Variants in SLC6A6 observed in about 807,000 individuals in gnomAD.
SLC6A6 encodes the protein solute carrier family 6 member 6.
In SLC6A6, 16 loss-of-function variants were observed where a neutral mutation model predicts 68.8. The ratio of observed to expected loss-of-function variants is 0.23; its 90% CI spans 0.16 to 0.35. The LOEUF (loss-of-function observed/expected upper bound fraction) is 0.35, where lower values mean the gene tolerates loss of function less well. Among genes scored for constraint, SLC6A6 ranks in the 10% least tolerant of loss-of-function variants. The probability of loss-of-function intolerance (pLI) is 1.00; values close to 1 mark genes in which losing one functional copy is unlikely to be tolerated. For missense variants in SLC6A6, 474 were observed against 802.8 expected (o/e 0.59, Z 4.95); for synonymous variants, 312 against 315.4 (o/e 0.99, Z 0.12).
At chr3:14,454,114 C>T (rs926190243) in intron 5 of SLC6A6, among the ~76,000 whole-genome samples, 7 of 152,152 alleles carry the variant, frequency 4.6e-5, no homozygotes, top group African/African-American at 1.7e-4. Context: ...CCGTGTTGGC[C>T]GGGGAGCGGG....
chr3:14,473,463 C>A (rs932252213), intron 10 of SLC6A6, among the ~76,000 whole-genome samples: 1 of 152,122 alleles, frequency 6.6e-6, no homozygotes, highest in Non-Finnish European at 1.5e-5. Flanking sequence ...CGGGAGAACC[C>A]TTTGTCCCCC....
chr3:14,464,643 T>G (rs899657853), intron 6 of SLC6A6, among the ~76,000 whole-genome samples: 3 of 152,174 alleles, frequency 2.0e-5, no homozygotes, highest in Non-Finnish European at 2.9e-5. Context: ...AGGGTCGTGG[T>G]GCCAGCTAGG....
chr3:14,402,791 G>T lies in SLC6A6; in HGVS notation c.-110G>T, dbSNP rs1304474689. ...GAGAGCGAGCGGGCAGGCAGCCCCCGGCCGGCGGAACCCGGCACAGCCGAG... is the reference window on the plus strand; with the variant it reads ...GAGAGCGAGCGGGCAGGCAGCCCCCTGCCGGCGGAACCCGGCACAGCCGAG... On this transcript the variant is annotated 5_prime_UTR_variant, in exon 1 of 15. Coordinates refer to ENST00000622186, the MANE Select transcript of SLC6A6 (RefSeq NM_003043.6). The surrounding 1 kb of genome is among the most constrained non-coding windows in gnomAD (Gnocchi z 4.8). The T allele has an allele frequency of 2.5e-6, 1 of 397,912 alleles. No homozygotes were observed. Among genetic ancestry groups the T allele is most frequent in the Non-Finnish European group, 4.4e-6 (1 of 225,662 alleles). 24.6% of individuals were successfully genotyped at this position (397,912 alleles called of 1,614,324 possible).
At position 14,472,406 on chromosome 3, in the gene SLC6A6, A is replaced by C; in HGVS notation, c.1209+89A>C. 2.5e-6 allele frequency: 2 copies of C among 795,366 alleles called. No homozygotes were observed. Among genetic ancestry groups the C allele is most frequent in the South Asian group, 1.5e-5 (1 of 67,962 alleles). The allele number at this position is 795,366 out of a possible 1,614,324, so 49.3% of individuals were successfully genotyped here. On this transcript the variant is annotated intron_variant, in intron 10 of 14. Transcript: ENST00000622186. The surrounding 1 kb of genome is among the most constrained non-coding windows in gnomAD (Gnocchi z 4.5). ...CCTTATTCCACCTGGGAGGTGGTCA[A>C]CCCCCTTCCCCCCTCCAGTCAGACT... is the stretch of plus-strand genomic sequence containing the variant.
chr3:14,405,463 A>G (rs1374322224), intron 1 of SLC6A6, among the ~76,000 whole-genome samples: 1 of 152,236 alleles, frequency 6.6e-6, no homozygotes, highest in Admixed American at 6.5e-5. Context: ...GTATATAGAA[A>G]AAGCTGAGAA....
chr3:14,479,443 C>G (rs1574968250), intron 13 of SLC6A6, among the ~76,000 whole-genome samples: 1 of 152,246 alleles, frequency 6.6e-6, no homozygotes, highest in Non-Finnish European at 1.5e-5. Flanking sequence ...TGTGCGGGGC[C>G]AAGGCATCCT....
intron 1 of SLC6A6, among the ~76,000 whole-genome samples, chr3:14,404,842 C>T (rs946781492): frequency 1.3e-5 from 2 of 152,238 alleles, no homozygotes; most frequent in Non-Finnish European, 2.9e-5. Context: ...AAGGTGCATT[C>T]TGGAGGCTTT....
chr3:14,403,330 C>T (rs953497473), intron 1 of SLC6A6, among the ~76,000 whole-genome samples: 1 of 152,068 alleles, frequency 6.6e-6, no homozygotes, highest in African/African-American at 2.4e-5. Flanking sequence ...TGGATGTGTG[C>T]TCTTGTGTGT....
intron 3 of SLC6A6, 95 bp from the exon 4 acceptor site, chr3:14,445,622 T>G: frequency 7.1e-7 from 1 of 1,399,596 alleles, no homozygotes; most frequent in Non-Finnish European, 1.0e-6. Context: ...CCTCATGCAT[T>G]CTCTCTGGTT....
intron 2 of SLC6A6, 99 bp downstream of exon 2, chr3:14,416,552 A>G (rs1699367268): frequency 2.5e-6 from 1 of 397,746 alleles, no homozygotes. Flanking sequence ...CCCAGGCTCT[A>G]GGAGGACAAG....
chr3:14,465,384 A>G (rs917641011), intron 6 of SLC6A6, among the ~76,000 whole-genome samples: 2 of 152,164 alleles, frequency 1.3e-5, no homozygotes, highest in Non-Finnish European at 2.9e-5. Flanking sequence ...AGGCCCGGTG[A>G]AGCGGGGAGC....
chr3:14,427,112 ACT>A lies in SLC6A6; in HGVS notation c.-12+10664_-12+10665del, dbSNP rs1699617768. On this transcript the variant is annotated intron_variant, in intron 2 of 14. Coordinates refer to ENST00000622186, the MANE Select transcript of SLC6A6 (RefSeq NM_003043.6). ...ACCCTGGGTGCTGGGTGTCTTCCGCACTCTCTGGCTGCTTCTGTGCCTCAGAG... is the reference window on the plus strand; with the variant it reads ...ACCCTGGGTGCTGGGTGTCTTCCGCACTCTGGCTGCTTCTGTGCCTCAGAG... Among the ~76,000 whole-genome samples the A allele has an allele frequency of 2.8e-5, 4 of 144,798 alleles. No homozygotes were observed. The East Asian group carries it at 5.8e-4, about 21-fold the overall frequency. 95.0% of individuals were successfully genotyped at this position (144,798 alleles called of 152,430 possible).
At chr3:14,438,256 G>T (rs1699905185) in intron 2 of SLC6A6, among the ~76,000 whole-genome samples, 1 of 151,672 alleles carries the variant, frequency 6.6e-6, no homozygotes, top group Non-Finnish European at 1.5e-5. Flanking sequence ...TGATCAATTG[G>T]TATGTGCTGG....
At chr3:14,434,366 G>A (rs571149925) in intron 2 of SLC6A6, among the ~76,000 whole-genome samples, 1 of 152,314 alleles carries the variant, frequency 6.6e-6, no homozygotes, top group Admixed American at 6.5e-5. Flanking sequence ...CCGCAGAGGG[G>A]CCTACTTTGT....
intron 2 of SLC6A6, among the ~76,000 whole-genome samples, chr3:14,442,170 G>A (rs1277884095): frequency 3.3e-5 from 5 of 152,216 alleles, no homozygotes; most frequent in East Asian, 3.8e-4. Context: ...GCCATGAGGA[G>A]TATGAGCTCA....
chr3:14,415,213 A>G (rs931686876), intron 1 of SLC6A6, among the ~76,000 whole-genome samples: 1 of 152,242 alleles, frequency 6.6e-6, no homozygotes, highest in East Asian at 1.9e-4. Context: ...TAAGTGCACC[A>G]TAAGTTGTTG....
chr3:14,449,981 A>T (rs563178752), intron 5 of SLC6A6, among the ~76,000 whole-genome samples: 1 of 151,992 alleles, frequency 6.6e-6, no homozygotes, highest in East Asian at 1.9e-4. Flanking sequence ...CAATCTCCTG[A>T]CCTCATGATC....
In SLC6A6 at chr3:14,481,176, G is replaced by A. The variant is rs146295578; in HGVS notation, c.1552-495G>A. Among the ~76,000 whole-genome samples, 11 of 152,324 alleles carry A rather than the reference G, an allele frequency of 7.2e-5. No homozygotes were observed. The East Asian group carries it at 9.6e-4, about 13-fold the overall frequency. On this transcript the variant is annotated intron_variant, in intron 13 of 14. Transcript: ENST00000622186. This position sits in a 1 kb window ranked among gnomAD's most constrained non-coding sequence, Gnocchi z 4.7. ...GCCCAAGAGATGGTTACAACCACTC[G>A]CTTTCTGGAAGGAGAGGTATGGGTG... is the stretch of plus-strand genomic sequence containing the variant.
intron 2 of SLC6A6, among the ~76,000 whole-genome samples, chr3:14,417,273 T>C (rs926227510): frequency 2.6e-5 from 4 of 152,252 alleles, no homozygotes; most frequent in African/African-American, 9.6e-5. Flanking sequence ...ATGCCCTTCG[T>C]TGAGATTTTC....
Sources: allele counts gnomAD v4.1 joint callset (sites outside exome capture counted in the v4.1 genomes callset), GRCh38; gene constraint gnomAD v4.1.1; non-coding constraint Gnocchi (gnomAD v3.1); transcripts MANE v1.5; gene names NCBI Gene and HGNC (gene_info 2026-07-23, HGNC 2026-07-21).